The following SP140 variants were observed in gnomAD, a reference collection of about 807,000 sequenced individuals.
The protein encoded by SP140 is SP140 nuclear body protein.
SP140 carries 81 observed loss-of-function variants against 125.0 expected under a neutral mutation model. That is an observed-to-expected ratio of 0.65 (90% CI 0.54 to 0.78). The LOEUF is 0.78. Ranked by LOEUF, SP140 falls within the 30% of genes least tolerant of loss-of-function variation. The pLI is 0.00. For missense variants in SP140, 858 were observed against 1,037.0 expected (o/e 0.83, Z 2.37); for synonymous variants, 312 against 354.0 (o/e 0.88, Z 1.33).
At chr2:230,199,507 C>T (rs557245229), upstream of SP140, among the ~76,000 whole-genome samples, 5 of 152,016 alleles carry the variant, frequency 3.3e-5, no homozygotes, top group East Asian at 7.7e-4. Flanking sequence ...CTGTGCTGGG[C>T]CAGCAACATA....
At chr2:230,311,834 G>C (rs190096102) in intron 26 of SP140, among the ~76,000 whole-genome samples, 1 of 152,204 alleles carries the variant, frequency 6.6e-6, no homozygotes, top group African/African-American at 2.4e-5. Context: ...ACCTGCCCCA[G>C]AGGAGACAGG....
chr2:230,285,104 T>C lies in SP140; in HGVS notation c.1565-648T>C, dbSNP rs2056187617. On this transcript the variant is annotated intron_variant, in intron 16 of 26. Transcript: ENST00000392045. ...TTTTGCACAAATCATCATCTGGAGA[T>C]AGCCATCCTCATCTGTGGCTATCTC... 2.0e-5 allele frequency among the ~76,000 whole-genome samples: 3 copies of C among 152,350 alleles called. No homozygotes were observed. The South Asian group carries it at 6.2e-4, about 32-fold the overall frequency.
chr2:230,234,169 T>C (rs557336647), intron 1 of SP140, among the ~76,000 whole-genome samples: 1 of 152,336 alleles, frequency 6.6e-6, no homozygotes, highest in South Asian at 2.1e-4. Context: ...GGGTGATCTA[T>C]AGGAACAAAC....
chr2:230,272,248 G>C lies in SP140; in HGVS notation c.1498+1609G>C, dbSNP rs148508031. On this transcript the variant is annotated intron_variant, in intron 15 of 26. Transcript: ENST00000392045. ...TTCACATGGAACCAAAAAAGAGCCT[G>C]AATAGCAAAGGCAATCCTAAGCAAA... Among the ~76,000 whole-genome samples the C allele has an allele frequency of 1.1e-3, 173 of 152,210 alleles. 3 individuals carry two copies. The South Asian group carries it at 0.012, about 10-fold the overall frequency.
chr2:230,195,883 A>G, the SP140 span, among the ~76,000 whole-genome samples: 3 of 152,188 alleles, frequency 2.0e-5, no homozygotes, highest in Non-Finnish European at 2.9e-5. Context: ...GAAGGTTAAT[A>G]TCCTTATTAG....
chr2:230,221,788 T>C (rs1310605023), upstream of SP140: 3 of 1,427,580 alleles, frequency 2.1e-6, no homozygotes, highest in African/African-American at 2.8e-5. Flanking sequence ...TTTAGATCTA[T>C]TCAGAGATAC....
At position 230,269,959 on chromosome 2, in the gene SP140, G is replaced by A; in HGVS notation, c.1444+6G>A. The A allele has an allele frequency of 6.2e-7, 1 of 1,600,784 alleles. No homozygotes were observed. Among genetic ancestry groups the A allele is most frequent in the Non-Finnish European group, 8.6e-7 (1 of 1,167,978 alleles). On this transcript the variant is annotated splice_donor_region_variant and intron_variant, in intron 14 of 26. Transcript: ENST00000392045. Reference sequence around the variant, plus strand: ...TCAAGCGTGTGGCACAATGGGTAAGGCTGTCTGAGGGCCGTGGGATGGGGG... The same window carrying A: ...TCAAGCGTGTGGCACAATGGGTAAGACTGTCTGAGGGCCGTGGGATGGGGG...
chr2:230,247,968 A>G lies in SP140; in HGVS notation c.795A>G (p.Pro265=). ...IDAARTYSTA[P]GEKQGEEEGR... The stretch of plus-strand genomic sequence containing the variant: ...CGGCAAGGACATACAGCACAGCACC[A>G]GGGGAGAAACAGGGAGAGGAGGAAG... The change falls in exon 8 of 27, where the codon CCA becomes CCG. Residue 265 remains proline, a synonymous_variant. Transcript: ENST00000392045. The G allele has an allele frequency of 6.2e-7, 1 of 1,613,980 alleles. No homozygotes were observed. Among genetic ancestry groups the G allele is most frequent in the South Asian group, 1.1e-5 (1 of 91,082 alleles).
the SP140 span, among the ~76,000 whole-genome samples, chr2:230,187,129 A>G: frequency 3.9e-5 from 6 of 152,164 alleles, no homozygotes; most frequent in South Asian, 2.1e-4. Context: ...GCAGTGTATA[A>G]ACATTCCCTT....
chr2:230,203,035 G>C, upstream of SP140: 1 of 409,938 alleles, frequency 2.4e-6, no homozygotes, highest in South Asian at 2.2e-5. Context: ...CCTGCACCAC[G>C]AGGTGGCCAC....
At chr2:230,236,166 C>T (rs1431909525) in intron 1 of SP140, among the ~76,000 whole-genome samples, 4 of 152,106 alleles carry the variant, frequency 2.6e-5, no homozygotes, top group East Asian at 1.9e-4. Flanking sequence ...TGAGCCACCG[C>T]GCCCGGCCTT....
At chr2:230,255,322 G>T in intron 11 of SP140, 130 bp from the exon 12 acceptor site, 1 of 990,588 alleles carries the variant, frequency 1.0e-6, no homozygotes, top group South Asian at 1.5e-5. Context: ...GGCAGACCAG[G>T]AGGACCTGGG....
At chr2:230,305,848 G>A (rs1025340588) in intron 22 of SP140, among the ~76,000 whole-genome samples, 6 of 152,248 alleles carry the variant, frequency 3.9e-5, no homozygotes, top group African/African-American at 1.4e-4. Context: ...CGTGTCCCTA[G>A]GATCTGCCCC....
At chr2:230,288,497 CTTTCTTTCTTTCTTTCTTTCT>C (rs2056714251) in intron 18 of SP140, among the ~76,000 whole-genome samples, 4 of 119,378 alleles carry the variant, frequency 3.4e-5, no homozygotes, top group South Asian at 3.4e-4. Context: ...TTCTTTCTTT[CTTTCTTTCTTTCTTTCTTTCT>C]TTCTTTTTTT....
intron 1 of SP140, among the ~76,000 whole-genome samples, chr2:230,206,131 C>G (rs2043772655): frequency 6.6e-6 from 1 of 152,148 alleles, no homozygotes; most frequent in South Asian, 2.1e-4. Flanking sequence ...TAATGATAAA[C>G]TAAGTCAGGG....
intron 3 of SP140, chr2:230,215,148 A>T: frequency 1.3e-6 from 2 of 1,563,224 alleles, no homozygotes; most frequent in Non-Finnish European, 1.8e-6. Flanking sequence ...GTTTTTATAA[A>T]TGACTATAAA....
chr2:230,295,589 C>G (rs2057626762), intron 21 of SP140, among the ~76,000 whole-genome samples: 1 of 152,178 alleles, frequency 6.6e-6, no homozygotes, highest in South Asian at 2.1e-4. Flanking sequence ...TGGGGGAGAA[C>G]AGAAGGTCCC....
At chr2:230,239,748 C>T (rs1248679445) in intron 3 of SP140, among the ~76,000 whole-genome samples, 2 of 152,190 alleles carry the variant, frequency 1.3e-5, no homozygotes, top group African/African-American at 2.4e-5. Flanking sequence ...CATGCCTGGC[C>T]TGTTATTATC....
At chr2:230,286,681 A>C (rs1445029703) in intron 17 of SP140, among the ~76,000 whole-genome samples, 1 of 152,222 alleles carries the variant, frequency 6.6e-6, no homozygotes, top group Non-Finnish European at 1.5e-5. Flanking sequence ...TGAAGGGCTG[A>C]ACCTGGCATA....
Sources: allele counts gnomAD v4.1 joint callset (sites outside exome capture counted in the v4.1 genomes callset), GRCh38; gene constraint gnomAD v4.1.1; transcripts MANE v1.5; gene names NCBI Gene and HGNC (gene_info 2026-07-23, HGNC 2026-07-21).